TG: variants seen among roughly 807,000 people sequenced by gnomAD.
TG encodes the protein thyroglobulin, also known as thyroid hormones.
Under a neutral mutation model 324.7 loss-of-function variants are expected in TG, and 270 were observed. The observed-to-expected ratio is 0.83, with a 90% CI of 0.75 to 0.92. The LOEUF is 0.92. TG is among the 40% of genes least tolerant of loss of function. TG has a pLI of 0.00. For missense variants in TG, 3,591 were observed against 3,456.4 expected (o/e 1.04, Z -0.98); for synonymous variants, 1,401 against 1,327.0 (o/e 1.06, Z -1.21).
At chr8:133,033,096 A>T (rs1836781683) in intron 41 of TG, among the ~76,000 whole-genome samples, 1 of 152,210 alleles carries the variant, frequency 6.6e-6, no homozygotes. Flanking sequence ...CTGAAGCCTA[A>T]GATCAGATAG....
At position 133,096,283 on chromosome 8, in the gene TG, A is replaced by G. The variant is rs1319391696; in HGVS notation, c.7482A>G (p.Arg2494=). 2 of 1,614,196 alleles carry G rather than the reference A, an allele frequency of 1.2e-6. No homozygotes were observed. Among genetic ancestry groups the G allele is most frequent in the Non-Finnish European group, 1.7e-6 (2 of 1,180,036 alleles). The change falls in exon 43 of 48, where the codon AGA becomes AGG. Residue 2494 remains arginine, a synonymous_variant. Coordinates refer to ENST00000220616, the MANE Select transcript of TG (RefSeq NM_003235.5). The part of the protein sequence containing the change: ...DGHFLREPPA[R]ALKRSLWVEV... ...ACTTCCTCCGTGAGCCTCCAGCCAGAGCACTGAAGAGGTCTTTATGGGTAG... is the reference window on the plus strand; with the variant it reads ...ACTTCCTCCGTGAGCCTCCAGCCAGGGCACTGAAGAGGTCTTTATGGGTAG...
At position 132,869,826 on chromosome 8, in the gene TG, T is replaced by C. The variant is rs762568611; in HGVS notation, c.274T>C (p.Cys92Arg). The change falls in exon 3 of 48, where the codon TGT (cysteine) becomes CGT (arginine). Residue 92 changes from cysteine (C) to arginine (R), a missense_variant and splice_region_variant. By Grantham distance (180) the Cys-to-Arg change is radical. Transcript: ENST00000220616. Reference sequence around the variant, plus strand: ...CAGGCAGCCAGGACGGCCTGTGGCTTGTAAGTGGGAGTGGGGGACGTCCCT... The same window carrying C: ...CAGGCAGCCAGGACGGCCTGTGGCTCGTAAGTGGGAGTGGGGGACGTCCCT... ...GSRQPGRPVA[C>R]LSFCQLQKQQ... is the part of the protein sequence containing the mutation. The C allele has an allele frequency of 1.2e-6, 2 of 1,613,768 alleles. No individual in the cohort carries two copies. Among genetic ancestry groups the C allele is most frequent in the Non-Finnish European group, 1.7e-6 (2 of 1,179,904 alleles).
At chr8:132,868,670 C>G (rs1839196941) in intron 2 of TG, among the ~76,000 whole-genome samples, 1 of 152,156 alleles carries the variant, frequency 6.6e-6, no homozygotes, top group Non-Finnish European at 1.5e-5. Flanking sequence ...TGCCACCGAC[C>G]CTGCCCGGAC....
intron 35 of TG, 106 bp downstream of exon 35, chr8:132,983,518 C>T (rs1307730609): frequency 8.9e-7 from 1 of 1,125,676 alleles, no homozygotes; most frequent in Non-Finnish European, 1.4e-6. Context: ...TTGCATATCA[C>T]TCGCATTAAT....
chr8:132,891,431 C>T (rs1816230611), intron 10 of TG, among the ~76,000 whole-genome samples: 1 of 152,144 alleles, frequency 6.6e-6, no homozygotes. Flanking sequence ...ACCTCGCAGG[C>T]TCAAGCGATC....
rs1443907055 is a variant in TG, at chr8:132,967,879, G to C, written c.5772G>C (p.Glu1924Asp). 1.2e-5 allele frequency: 20 copies of C among 1,614,018 alleles called. No homozygotes were observed. The highest frequency in any genetic ancestry group is 1.5e-5 in the Non-Finnish European group (18 of 1,179,966). Residue 1924 changes from glutamate (E) to aspartate (D), a missense_variant, in exon 31 of 48, where the codon GAG (glutamate) becomes GAC (aspartate). Glu to Asp is a conservative substitution (Grantham distance 45). Coordinates refer to ENST00000220616, the MANE Select transcript of TG (RefSeq NM_003235.5). ...ACTTCACCTGCACCCTCTACCCAGA[G>C]GCACAGGTGTGTGATGACATCATGG... ...SLYFTCTLYP[E>D]AQVCDDIMES...
intron 27 of TG, among the ~76,000 whole-genome samples, chr8:132,950,170 G>A (rs1317859715): frequency 6.6e-6 from 1 of 152,178 alleles, no homozygotes; most frequent in Non-Finnish European, 1.5e-5. Context: ...TGTTCCTTTT[G>A]TTCTTCCAGC....
At chr8:132,961,323 AAAGCTTGCTGACCAC>A (rs989121596) in intron 28 of TG, among the ~76,000 whole-genome samples, 3 of 152,208 alleles carry the variant, frequency 2.0e-5, no homozygotes, top group African/African-American at 7.2e-5. Flanking sequence ...CCCGCGAGAT[AAAGCTTGCTGACCAC>A]AAGACACCCT....
At chr8:133,114,187 A>G (rs1238224277) in intron 44 of TG, among the ~76,000 whole-genome samples, 1 of 152,190 alleles carries the variant, frequency 6.6e-6, no homozygotes, top group African/African-American at 2.4e-5. Context: ...CACTCCCCAC[A>G]TAGGAACAGC....
At chr8:132,994,243 A>G (rs1832659506) in intron 35 of TG, among the ~76,000 whole-genome samples, 1 of 152,212 alleles carries the variant, frequency 6.6e-6, no homozygotes. Context: ...TTCTAGTGCC[A>G]TCCTGGAGCC....
chr8:133,035,564 T>TTG (rs2131021389), intron 41 of TG, among the ~76,000 whole-genome samples: 1 of 152,374 alleles, frequency 6.6e-6, no homozygotes, highest in African/African-American at 2.4e-5. Context: ...ATAAAATTAT[T>TTG]GACTTATCTA....
chr8:133,112,865 G>C (rs1159337578), intron 43 of TG, among the ~76,000 whole-genome samples: 2 of 152,304 alleles, frequency 1.3e-5, no homozygotes, highest in East Asian at 3.9e-4. Context: ...AAGAGACAGG[G>C]AGCTTGATCG....
chr8:132,913,089 A>G lies in TG; in HGVS notation c.4202A>G (p.Asp1401Gly). ...VGKDLLGRFT[D>G]LIQSGSFQLH... ...AAGGATCTCCTTGGGCGCTTCACAGATCTGATCCAGAGTGGCTCATTCCAG... is the reference window on the plus strand; with the variant it reads ...AAGGATCTCCTTGGGCGCTTCACAGGTCTGATCCAGAGTGGCTCATTCCAG... Residue 1401 changes from aspartate (D) to glycine (G), a missense_variant, in exon 20 of 48, where the codon GAT (aspartate) becomes GGT (glycine). By Grantham distance (94) the Asp-to-Gly change is moderately conservative. Transcript: ENST00000220616. The G allele has an allele frequency of 1.2e-6, 2 of 1,614,150 alleles. No individual in the cohort carries two copies. The highest frequency in any genetic ancestry group is 2.2e-5 in the South Asian group (2 of 91,082).
chr8:132,950,249 A>C (rs1039328292), intron 27 of TG, among the ~76,000 whole-genome samples: 1 of 152,196 alleles, frequency 6.6e-6, no homozygotes, highest in Admixed American at 6.5e-5. Context: ...TGAACTGGGA[A>C]AGCACCTCCA....
intron 35 of TG, chr8:132,994,964 C>G: frequency 1.0e-6 from 1 of 980,232 alleles, no homozygotes; most frequent in South Asian, 4.9e-5. Context: ...GCTTAAATGT[C>G]TTTTAAATTT....
intron 34 of TG, among the ~76,000 whole-genome samples, chr8:132,978,543 G>A (rs1830446350): frequency 6.6e-6 from 1 of 152,184 alleles, no homozygotes; most frequent in Non-Finnish European, 1.5e-5. Context: ...ACACCGTGAT[G>A]TGGCTTGTAT....
chr8:132,983,364 G>T lies in TG; in HGVS notation c.6214G>T (p.Ala2072Ser), dbSNP rs753105045. 6.2e-7 allele frequency: 1 copy of T among 1,614,088 alleles called. No homozygotes were observed. Among genetic ancestry groups the T allele is most frequent in the African/African-American group, 1.3e-5 (1 of 75,014 alleles). ...TTCCTTTTCAGTTGCTCAAAATAAT[G>T]CTCCCAGTTTTTGCCCTTTGGTTGT... ...WYQKPIAQNN[A>S]PSFCPLVVLP... The change falls in exon 35 of 48, where the codon GCT becomes TCT. Residue 2072 changes from alanine (A) to serine (S), a missense_variant. Transcript: ENST00000220616.
intron 25 of TG, among the ~76,000 whole-genome samples, chr8:132,936,808 T>C (rs1021752949): frequency 6.6e-5 from 10 of 152,212 alleles, no homozygotes; most frequent in Non-Finnish European, 1.2e-4. Flanking sequence ...CTCTGGGCCA[T>C]GGCCAGGCTC....
intron 41 of TG, among the ~76,000 whole-genome samples, chr8:133,080,076 A>G (rs965610002): frequency 1.3e-5 from 2 of 152,162 alleles, no homozygotes; most frequent in African/African-American, 4.8e-5. Context: ...AACTGAAGGC[A>G]TGGGGACAGT....
Sources: allele counts gnomAD v4.1 joint callset (sites outside exome capture counted in the v4.1 genomes callset), GRCh38; gene constraint gnomAD v4.1.1; transcripts MANE v1.5; gene names NCBI Gene and HGNC (gene_info 2026-07-23, HGNC 2026-07-21).